SHH: variants seen among roughly 807,000 people sequenced by gnomAD.
The protein encoded by SHH is sonic hedgehog protein.
In SHH, 3 loss-of-function variants were observed where a neutral mutation model predicts 16.6. The observed-to-expected ratio is 0.18, with a 90% CI of 0.08 to 0.47. SHH has a LOEUF of 0.47. SHH is among the 20% of genes least tolerant of loss of function. The pLI, the probability that SHH is intolerant of heterozygous loss-of-function variation, is 0.98. For missense variants in SHH, 499 were observed against 665.0 expected, an observed-to-expected ratio of 0.75 and a Z score of 2.75; for synonymous variants, 351 against 316.2, an observed-to-expected ratio of 1.11 and a Z score of -1.17.
At chr7:155,803,874 G>A (rs1803274329) in intron 2 of SHH, 148 bp from the exon 3 acceptor site, 1 of 680,954 alleles carries the variant, frequency 1.5e-6, no homozygotes, top group Non-Finnish European at 2.5e-6. Context: ...GATTCCAGGC[G>A]GGTCCCGCAC....
In SHH at chr7:155,807,917, G is replaced by A. The variant is rs528151839; in HGVS notation, c.301-1360C>T. ...CATGGAGGGACAGCTTCTATCCAGG[G>A]CCCTAACTGTAGCGTGGGTTGGGGG... On this transcript the variant is annotated intron_variant, in intron 1 of 2. Transcript: ENST00000297261. The surrounding 1 kb of genome is among the most constrained non-coding windows in gnomAD (Gnocchi z 7.1). Among the ~76,000 whole-genome samples, 2 of 152,230 alleles carry A rather than the reference G, an allele frequency of 1.3e-5. No homozygotes were observed. Among genetic ancestry groups the A allele is most frequent in the East Asian group, 1.9e-4 (1 of 5,170 alleles).
Position 155,803,383 on chromosome 7 carries a change from C to T in SHH, c.906G>A (p.Arg302=), listed in dbSNP as rs1465185856. The change falls in exon 3 of 3, where the codon CGG becomes CGA. Residue 302 remains arginine (R), a synonymous_variant. Transcript: ENST00000297261. The part of the protein sequence containing the change: ...GPPSGGALGP[R]ALFASRVRPG... ...GGCGCACGCGGCTGGCGAACAGCGC[C>T]CGAGGCCCCAGTGCGCCCCCGGAAG... The T allele has an allele frequency of 4.7e-6, 7 of 1,485,876 alleles. No individual in the cohort carries two copies. The African/African-American group carries it at 7.4e-5, about 16-fold the overall frequency. 92.0% of individuals were successfully genotyped at this position (1,485,876 alleles called of 1,614,324 possible).
Position 155,803,024 on chromosome 7 carries a change from T to C in SHH, c.1265A>G (p.Asp422Gly). The C allele has an allele frequency of 1.9e-6, 3 of 1,562,734 alleles. No individual in the cohort carries two copies. Among genetic ancestry groups the C allele is most frequent in the Non-Finnish European group, 1.7e-6 (2 of 1,156,936 alleles). The change falls in exon 3 of 3, where the codon GAC (aspartate) becomes GGC (glycine). Residue 422 changes from aspartate to glycine, a missense_variant. Asp to Gly is a moderately conservative substitution (Grantham distance 94). Transcript: ENST00000297261. The stretch of plus-strand genomic sequence containing the variant: ...CGCGGTGGCCCCCGCACCCGGAGCG[T>C]CGGCAGCACCTGGAGCGGTTAGGGC... ...RVALTAPGAA[D>G]APGAGATAGI...
At chr7:155,803,781 G>T (rs1803270808) in intron 2 of SHH, 55 bp from the exon 3 acceptor site, 1 of 1,469,344 alleles carries the variant, frequency 6.8e-7, no homozygotes, top group Non-Finnish European at 9.4e-7. Context: ...TTCCGAGAGG[G>T]AGGCGCGTCT....
chr7:155,810,624 T>C (rs1205030291), intron 1 of SHH, among the ~76,000 whole-genome samples: 1 of 152,210 alleles, frequency 6.6e-6, no homozygotes, highest in Non-Finnish European at 1.5e-5. Context: ...TTCCGACAGC[T>C]GGAGCAGGCT....
At chr7:155,803,768 G>A in intron 2 of SHH, 42 bp from the exon 3 acceptor site, 1 of 1,517,048 alleles carries the variant, frequency 6.6e-7, no homozygotes, top group Non-Finnish European at 9.0e-7. Flanking sequence ...ACAGGGCATT[G>A]AGTTCCGAGA....
chr7:155,812,176 AG>A lies in SHH; in HGVS notation c.-55del. On this transcript the variant is annotated 5_prime_UTR_variant, in exon 1 of 3. Coordinates refer to ENST00000297261, the MANE Select transcript of SHH (RefSeq NM_000193.4). The stretch of plus-strand genomic sequence containing the variant: ...CTGTCCCCGTGCGGGTCCGTGCGCG[AG>A]TGCGCGCGGCGGGTGTGTGCGTGTG... 6.4e-7 allele frequency: 1 copy of A among 1,568,854 alleles called. No homozygotes were observed. Among genetic ancestry groups the A allele is most frequent in the South Asian group, 1.1e-5 (1 of 90,142 alleles).
rs1803174316 is a variant in SHH at position 155,801,236 on chromosome 7, A to G, written c.*1664T>C. On this transcript the variant is annotated 3_prime_UTR_variant, in exon 3 of 3. Transcript: ENST00000297261. ...TGAGGACCTCAACAGCAGCCCCGAC[A>G]TTCCAGCGACTGGCCCTCGCCACTG... 6.5e-6 allele frequency: 1 copy of G among 152,828 alleles called. No individual in the cohort carries two copies. The highest frequency in any genetic ancestry group is 6.5e-5 in the Admixed American group (1 of 15,292). 9.5% of individuals were successfully genotyped at this position (152,828 alleles called of 1,614,324 possible).
intron 2 of SHH, among the ~76,000 whole-genome samples, 177 bp from the exon 3 acceptor site, chr7:155,803,903 C>T (rs1441950675): frequency 6.6e-6 from 1 of 151,446 alleles, no homozygotes; most frequent in Non-Finnish European, 1.5e-5. Flanking sequence ...CTCCCCCAAC[C>T]CCACTGCCCC....
intron 2 of SHH, among the ~76,000 whole-genome samples, chr7:155,804,475 C>G (rs547108750): frequency 1.3e-5 from 2 of 152,276 alleles, no homozygotes; most frequent in East Asian, 3.9e-4. Flanking sequence ...GAAGGGGACA[C>G]TTCCATTTTC....
chr7:155,801,505 C>T lies in SHH; in HGVS notation c.*1395G>A, dbSNP rs1021698573. 1 of 152,280 alleles carries T rather than the reference C, an allele frequency of 6.6e-6. No individual in the cohort carries two copies. The highest frequency in any genetic ancestry group is 1.9e-4 in the East Asian group (1 of 5,194). 9.4% of individuals were successfully genotyped at this position (152,280 alleles called of 1,614,324 possible). A position where few individuals can be genotyped will look rare whatever the true frequency, so the allele number is the denominator to read the frequency against. ...GTTGTTGGTGGCCATCCCCAGGCCA[C>T]CTCCTCTGGGCTTACACATCAGGCT... is the stretch of plus-strand genomic sequence containing the variant. On this transcript the variant is annotated 3_prime_UTR_variant, in exon 3 of 3. Coordinates refer to ENST00000297261, the MANE Select transcript of SHH (RefSeq NM_000193.4).
rs1384501803 is a variant in SHH at position 155,803,023 on chromosome 7, G to A, written c.1266C>T (p.Asp422=). The A allele has an allele frequency of 1.9e-5, 29 of 1,562,600 alleles. No homozygotes were observed. The highest frequency in any genetic ancestry group is 2.5e-5 in the Non-Finnish European group (29 of 1,156,942). ...RVALTAPGAA[D]APGAGATAGI... The stretch of plus-strand genomic sequence containing the variant: ...CCGCGGTGGCCCCCGCACCCGGAGC[G>A]TCGGCAGCACCTGGAGCGGTTAGGG... Residue 422 remains aspartate, a synonymous_variant, in exon 3 of 3, where the codon GAC becomes GAT. Coordinates refer to ENST00000297261, the MANE Select transcript of SHH (RefSeq NM_000193.4).
chr7:155,804,845 G>A (rs1803307872), intron 2 of SHH, among the ~76,000 whole-genome samples: 1 of 152,152 alleles, frequency 6.6e-6, no homozygotes, highest in East Asian at 1.9e-4. Flanking sequence ...CATGCTTTTT[G>A]CAAATAGAGA....
At chr7:155,808,137 C>T (rs1220256965) in intron 1 of SHH, among the ~76,000 whole-genome samples, 1 of 152,108 alleles carries the variant, frequency 6.6e-6, no homozygotes, top group Non-Finnish European at 1.5e-5. Context: ...AGGTCAGTGC[C>T]TGCATGTTTG....
chr7:155,810,160 C>T (rs1047404807), intron 1 of SHH, among the ~76,000 whole-genome samples: 4 of 152,250 alleles, frequency 2.6e-5, no homozygotes, highest in African/African-American at 9.6e-5. Flanking sequence ...CAGGCGTCTG[C>T]CTCGCTGCGC....
In SHH at chr7:155,802,883, C is replaced by A. The variant is rs1416649528; in HGVS notation, c.*17G>T. The A allele has an allele frequency of 3.5e-5, 45 of 1,273,456 alleles. No individual in the cohort carries two copies. The highest frequency in any genetic ancestry group is 4.5e-5 in the Non-Finnish European group (44 of 985,896). The allele number at this position is 1,273,456 out of a possible 1,614,324, so 78.9% of individuals were successfully genotyped here. A position where few individuals can be genotyped will look rare whatever the true frequency, so the allele number is the denominator to read the frequency against. On this transcript the variant is annotated 3_prime_UTR_variant, in exon 3 of 3. Coordinates refer to ENST00000297261, the MANE Select transcript of SHH (RefSeq NM_000193.4). ...CCGCCCCGCCCCCTCCCGCGCCCCT[C>A]CCCCGGCCCCCCGGCTTCAGCTGGA...
Position 155,803,393 on chromosome 7 carries a change from A to C in SHH, c.896T>G (p.Leu299Arg), listed in dbSNP as rs1803251251. 3 of 1,503,392 alleles carry C rather than the reference A, an allele frequency of 2.0e-6. No homozygotes were observed. Among genetic ancestry groups the C allele is most frequent in the Non-Finnish European group, 2.6e-6 (3 of 1,135,120 alleles). The allele number at this position is 1,503,392 out of a possible 1,614,324, so 93.1% of individuals were successfully genotyped here. Residue 299 changes from leucine to arginine, a missense_variant, in exon 3 of 3, where the codon CTG becomes CGG. Transcript: ENST00000297261. ...SGSGPPSGGALGPRALFASRV... is the reference protein window; with the variant it reads ...SGSGPPSGGARGPRALFASRV... ...GCTGGCGAACAGCGCCCGAGGCCCC[A>C]GTGCGCCCCCGGAAGGCGGCCCCGA... is the stretch of plus-strand genomic sequence containing the variant.
At chr7:155,811,771 T>C in intron 1 of SHH, 52 bp downstream of exon 1, 2 of 1,570,702 alleles carry the variant, frequency 1.3e-6, no homozygotes, top group Non-Finnish European at 1.8e-6. Context: ...GTTCGGCTTC[T>C]CGTAACCCCC....
At position 155,803,164 on chromosome 7, in the gene SHH, C is replaced by T. The variant is rs1422483161; in HGVS notation, c.1125G>A (p.Arg375=). The T allele has an allele frequency of 5.5e-6, 8 of 1,448,212 alleles. No homozygotes were observed. Among genetic ancestry groups the T allele is most frequent in the East Asian group, 3.0e-5 (1 of 32,808 alleles). The allele number at this position is 1,448,212 out of a possible 1,614,324, so 89.7% of individuals were successfully genotyped here. The part of the protein sequence containing the change: ...AVIEEHSWAH[R]AFAPFRLAHA... ...GCGCCAGGCGGAAGGGCGCGAAGGC[C>T]CGGTGCGCCCAGCTGTGCTCCTCGA... is the stretch of plus-strand genomic sequence containing the variant. The change falls in exon 3 of 3, where the codon CGG becomes CGA. Residue 375 remains arginine (R), a synonymous_variant. Coordinates refer to ENST00000297261, the MANE Select transcript of SHH (RefSeq NM_000193.4).
Sources: allele counts gnomAD v4.1 joint callset (sites outside exome capture counted in the v4.1 genomes callset), GRCh38; gene constraint gnomAD v4.1.1; non-coding constraint Gnocchi (gnomAD v3.1); transcripts MANE v1.5; gene names NCBI Gene and HGNC (gene_info 2026-07-23, HGNC 2026-07-21).